The following CAMKV variants were observed in gnomAD, a reference collection of about 807,000 sequenced individuals.
The protein encoded by CAMKV is CaM kinase like vesicle associated.
A neutral mutation model predicts 50.2 loss-of-function variants in CAMKV; 5 were observed. The ratio of observed to expected loss-of-function variants is 0.10; its 90% CI spans 0.05 to 0.21. CAMKV has a LOEUF of 0.21. CAMKV is among the 10% of genes least tolerant of loss of function. CAMKV has a pLI of 1.00. For missense variants in CAMKV, 361 were observed against 650.5 expected, an observed-to-expected ratio of 0.55 and a Z score of 4.84; for synonymous variants, 229 against 250.1, an observed-to-expected ratio of 0.92 and a Z score of 0.80.
At chr3:49,863,635 T>A (rs1034552576) in intron 1 of CAMKV, 1 of 151,876 alleles carries the variant, frequency 6.6e-6, no homozygotes, top group African/African-American at 2.4e-5. Context: ...GCAGCTGGGA[T>A]TACAGGCACC....
Position 49,862,107 on chromosome 3 carries a change from G to A in CAMKV, c.165C>T (p.Phe55=). ...GCACCTTGCGGCCGTCCCGCTTCTGGAACTTCTTGCAGGTGTGCAGCTTGC... is the reference window on the plus strand; with the variant it reads ...GCACCTTGCGGCCGTCCCGCTTCTGAAACTTCTTGCAGGTGTGCAGCTTGC... ...TTGKLHTCKK[F]QKRDGRKVRK... The change falls in exon 3 of 11, where the codon TTC becomes TTT. Residue 55 remains phenylalanine (F), a synonymous_variant. Coordinates refer to ENST00000477224, the MANE Select transcript of CAMKV (RefSeq NM_024046.5). This position sits in a 1 kb window ranked among gnomAD's most constrained non-coding sequence, Gnocchi z 5.2. 6.2e-7 allele frequency: 1 copy of A among 1,614,208 alleles called. No individual in the cohort carries two copies. The highest frequency in any genetic ancestry group is 1.3e-5 in the African/African-American group (1 of 75,062).
At position 49,858,206 on chromosome 3, in the gene CAMKV, T is replaced by A. The variant is rs2081992465; in HGVS notation, c.*1112A>T. On this transcript the variant is annotated 3_prime_UTR_variant, in exon 11 of 11. Transcript: ENST00000477224. ...GAGCCTCCCTCAGGAAACTGGGGAG[T>A]TTAACCCTACTTCCTCATCCCAGAA... The A allele has an allele frequency of 5.0e-6, 2 of 398,052 alleles. No homozygotes were observed. Among genetic ancestry groups the A allele is most frequent in the Non-Finnish European group, 8.9e-6 (2 of 225,952 alleles). The allele number at this position is 398,052 out of a possible 1,614,324, so 24.7% of individuals were successfully genotyped here. A position where few individuals can be genotyped will look rare whatever the true frequency, so the allele number is the denominator to read the frequency against.
rs56307047 is a variant in CAMKV at position 49,859,409 on chromosome 3, G to A, written c.1415C>T (p.Pro472Leu). The A allele has an allele frequency of 8.1e-6, 13 of 1,608,160 alleles. No individual in the cohort carries two copies. The East Asian group carries it at 2.9e-4, about 36-fold the overall frequency. ...PAMAQPDSTA[P>L]EGATGQAPPS... ...TGGAGCCTGGCCTGTGGCGCCCTCT[G>A]GGGCTGTGCTGTCCGGCTGGGCCAT... The change falls in exon 11 of 11, where the codon CCA (proline) becomes CTA (leucine). Residue 472 changes from proline to leucine, a missense_variant. Around this residue, in one of 4 missense-constraint regions of CAMKV, gnomAD observed 75 missense variants for 84.2 expected, o/e 0.89. Coordinates refer to ENST00000477224, the MANE Select transcript of CAMKV (RefSeq NM_024046.5). This position sits in a 1 kb window ranked among gnomAD's most constrained non-coding sequence, Gnocchi z 5.5.
rs1291585177 is a variant in CAMKV at position 49,858,368 on chromosome 3, T to A, written c.*950A>T. The stretch of plus-strand genomic sequence containing the variant: ...TAAAGGGCAAACCTCCAAATCAGAT[T>A]ATGAGTTATTGCCATGCAGCAAGCC... On this transcript the variant is annotated 3_prime_UTR_variant, in exon 11 of 11. Transcript: ENST00000477224. 5.0e-6 allele frequency: 2 copies of A among 398,434 alleles called. No individual in the cohort carries two copies. Among genetic ancestry groups the A allele is most frequent in the Admixed American group, 4.4e-5 (1 of 22,704 alleles). 24.7% of individuals were successfully genotyped at this position (398,434 alleles called of 1,614,324 possible). A position where few individuals can be genotyped will look rare whatever the true frequency, so the allele number is the denominator to read the frequency against.
Position 49,859,582 on chromosome 3 carries a change from A to G in CAMKV, c.1242T>C (p.Thr414=), listed in dbSNP as rs1231930870. The G allele has an allele frequency of 6.2e-7, 1 of 1,613,874 alleles. No homozygotes were observed. Among genetic ancestry groups the G allele is most frequent in the East Asian group, 2.2e-5 (1 of 44,900 alleles). Reference sequence around the variant, plus strand: ...CAGTGGCTGGGGTGACACTCCCATCAGTGGCTGGAGTGATGCTTCCATCGG... The same window carrying G: ...CAGTGGCTGGGGTGACACTCCCATCGGTGGCTGGAGTGATGCTTCCATCGG... The part of the protein sequence containing the change: ...PATDGSITPA[T]DGSVTPATDR... Residue 414 remains threonine (T), a synonymous_variant, in exon 11 of 11, where the codon ACT becomes ACC. Transcript: ENST00000477224. This position sits in a 1 kb window ranked among gnomAD's most constrained non-coding sequence, Gnocchi z 5.5.
At position 49,859,472 on chromosome 3, in the gene CAMKV, A is replaced by T; in HGVS notation, c.1352T>A (p.Met451Lys). Reference sequence around the variant, plus strand: ...GGTGGCAGCTGCCTTGGTGGCCAGCATGGCACTGCTTTGGGTGGTGGGCAC... The same window carrying T: ...GGTGGCAGCTGCCTTGGTGGCCAGCTTGGCACTGCTTTGGGTGGTGGGCAC... ...STVPTTQSSA[M>K]LATKAAATPE... The change falls in exon 11 of 11, where the codon ATG becomes AAG. Residue 451 changes from methionine to lysine, a missense_variant. Coordinates refer to ENST00000477224, the MANE Select transcript of CAMKV (RefSeq NM_024046.5). The surrounding 1 kb of genome is among the most constrained non-coding windows in gnomAD (Gnocchi z 5.5). 6.2e-7 allele frequency: 1 copy of T among 1,614,100 alleles called. No homozygotes were observed. The highest frequency in any genetic ancestry group is 8.5e-7 in the Non-Finnish European group (1 of 1,179,982).
At position 49,862,722 on chromosome 3, in the gene CAMKV, C is replaced by T. The variant is rs2082032519; in HGVS notation, c.-14-320G>A. On this transcript the variant is annotated intron_variant, in intron 1 of 10. Transcript: ENST00000477224. The surrounding 1 kb of genome is among the most constrained non-coding windows in gnomAD (Gnocchi z 5.2). Reference sequence around the variant, plus strand: ...GTTTATTTAAATTTCAGCTATTTTACAGATGAAGGGGGCTATAACCACCCA... The same window carrying T: ...GTTTATTTAAATTTCAGCTATTTTATAGATGAAGGGGGCTATAACCACCCA... Among the ~76,000 whole-genome samples the T allele has an allele frequency of 6.6e-6, 1 of 152,238 alleles. No homozygotes were observed. The highest frequency in any genetic ancestry group is 2.4e-5 in the African/African-American group (1 of 41,464).
chr3:49,866,449 T>G (rs2082066175), intron 1 of CAMKV, among the ~76,000 whole-genome samples: 1 of 152,200 alleles, frequency 6.6e-6, no homozygotes, highest in Admixed American at 6.5e-5. Context: ...ACACAGGATC[T>G]GAGCTCTTCC....
chr3:49,862,266 A>T lies in CAMKV; in HGVS notation c.95+28T>A, dbSNP rs1407340203. Reference sequence around the variant, plus strand: ...CTAGCCCCTGCTCACCAGCCCACCCAGCCTTGCCTGACAGGCCCGGCACTC... The same window carrying T: ...CTAGCCCCTGCTCACCAGCCCACCCTGCCTTGCCTGACAGGCCCGGCACTC... On this transcript the variant is annotated intron_variant, in intron 2 of 10. Coordinates refer to ENST00000477224, the MANE Select transcript of CAMKV (RefSeq NM_024046.5). The surrounding 1 kb of genome is among the most constrained non-coding windows in gnomAD (Gnocchi z 5.2). 1 of 1,614,070 alleles carries T rather than the reference A, an allele frequency of 6.2e-7. No individual in the cohort carries two copies. Among genetic ancestry groups the T allele is most frequent in the South Asian group, 1.1e-5 (1 of 91,082 alleles).
At chr3:49,865,448 A>G (rs555655466) in intron 1 of CAMKV, among the ~76,000 whole-genome samples, 10 of 152,318 alleles carry the variant, frequency 6.6e-5, no homozygotes, top group Admixed American at 4.6e-4. Flanking sequence ...CCCTCTGGCA[A>G]GAGTGCCCTT....
Position 49,858,609 on chromosome 3 carries a change from C to A in CAMKV, c.*709G>T, listed in dbSNP as rs566613288. 1.6e-5 allele frequency: 6 copies of A among 368,750 alleles called. No homozygotes were observed. The highest frequency in any genetic ancestry group is 4.2e-5 in the African/African-American group (2 of 48,098). The allele number at this position is 368,750 out of a possible 1,614,324, so 22.8% of individuals were successfully genotyped here. On this transcript the variant is annotated 3_prime_UTR_variant, in exon 11 of 11. Coordinates refer to ENST00000477224, the MANE Select transcript of CAMKV (RefSeq NM_024046.5). Reference sequence around the variant, plus strand: ...GGCTCATGAGGTTCAGGGTACAGGGCAGCCCACTGCAGGACTCGGAAAGGC... The same window carrying A: ...GGCTCATGAGGTTCAGGGTACAGGGAAGCCCACTGCAGGACTCGGAAAGGC...
Position 49,862,614 on chromosome 3 carries a change from C to T in CAMKV, c.-14-212G>A, listed in dbSNP as rs1253767943. Among the ~76,000 whole-genome samples, 1 of 152,094 alleles carries T rather than the reference C, an allele frequency of 6.6e-6. No individual in the cohort carries two copies. The highest frequency in any genetic ancestry group is 2.4e-5 in the African/African-American group (1 of 41,382). ...GCTTGGCTGCCTGAAGTGCAACAGC[C>T]TACATATGAAAAAATGTATTAAGCT... On this transcript the variant is annotated intron_variant, in intron 1 of 10. Coordinates refer to ENST00000477224, the MANE Select transcript of CAMKV (RefSeq NM_024046.5). The surrounding 1 kb of genome is among the most constrained non-coding windows in gnomAD (Gnocchi z 5.2).
chr3:49,866,843 C>T (rs2082069038), intron 1 of CAMKV, among the ~76,000 whole-genome samples: 1 of 152,236 alleles, frequency 6.6e-6, no homozygotes, highest in Admixed American at 6.5e-5. Context: ...TCCGGAGGCC[C>T]CACATTGGGG....
In CAMKV at chr3:49,860,986, G is replaced by A. The variant is rs774782174; in HGVS notation, c.595C>T (p.Arg199Cys). ...CCAATGGCCCAGCAGTCCACAGGGCGTCCATACCGCTGCCGGCCTACCACC... is the reference window on the plus strand; with the variant it reads ...CCAATGGCCCAGCAGTCCACAGGGCATCCATACCGCTGCCGGCCTACCACC... ...PEVVGRQRYG[R>C]PVDCWAIGVI... The change falls in exon 7 of 11, where the codon CGC (arginine) becomes TGC (cysteine). Residue 199 changes from arginine (R) to cysteine (C), a missense_variant. Transcript: ENST00000477224. The surrounding 1 kb of genome is among the most constrained non-coding windows in gnomAD (Gnocchi z 6.1). 7 of 1,613,944 alleles carry A rather than the reference G, an allele frequency of 4.3e-6. No homozygotes were observed. The highest frequency in any genetic ancestry group is 2.2e-5 in the East Asian group (1 of 44,882).
At chr3:49,866,174 AG>A (rs1559458182) in intron 1 of CAMKV, among the ~76,000 whole-genome samples, 2 of 152,070 alleles carry the variant, frequency 1.3e-5, no homozygotes, top group Admixed American at 6.6e-5. Flanking sequence ...GGGCAAAGAG[AG>A]GAGAAAGAGG....
In CAMKV at chr3:49,862,018, C is replaced by T. The variant is rs371512987; in HGVS notation, c.227+27G>A. ...AGCCCTTCCCTGCTGCCTCCCACCC[C>T]GCCCCAATCCCAGGCCTCAAACTCA... On this transcript the variant is annotated intron_variant, in intron 3 of 10. Transcript: ENST00000477224. This position sits in a 1 kb window ranked among gnomAD's most constrained non-coding sequence, Gnocchi z 5.2. The T allele has an allele frequency of 3.0e-5, 48 of 1,613,952 alleles. No homozygotes were observed. The South Asian group carries it at 4.5e-4, about 15-fold the overall frequency.
chr3:49,859,780 G>C lies in CAMKV; in HGVS notation c.1044C>G (p.Pro348=), dbSNP rs371059995. Residue 348 remains proline (P), a synonymous_variant, in exon 11 of 11, where the codon CCC becomes CCG. Coordinates refer to ENST00000477224, the MANE Select transcript of CAMKV (RefSeq NM_024046.5). This position sits in a 1 kb window ranked among gnomAD's most constrained non-coding sequence, Gnocchi z 5.5. ...CAGCTGTGGCCCCACCTGCAGCCCC[G>C]GGGGTGGCAGTGTCTGTGGCTGAGG... ...QSASATDTAT[P]GAAGGATAAA... 2 of 1,556,264 alleles carry C rather than the reference G, an allele frequency of 1.3e-6. No homozygotes were observed. The highest frequency in any genetic ancestry group is 2.7e-5 in the African/African-American group (2 of 74,440).
In CAMKV at chr3:49,861,974, T is replaced by G. The variant is rs1203496316; in HGVS notation, c.227+71A>C. 1.7e-5 allele frequency: 27 copies of G among 1,609,780 alleles called. No individual in the cohort carries two copies. The highest frequency in any genetic ancestry group is 2.3e-5 in the Non-Finnish European group (27 of 1,177,766). ...TAATTGGCCAGAGGCTGGGACTGCC[T>G]GAGGCCACTTGCCCTCTAAGCCCTT... On this transcript the variant is annotated intron_variant, in intron 3 of 10. Transcript: ENST00000477224. The surrounding 1 kb of genome is among the most constrained non-coding windows in gnomAD (Gnocchi z 7.7).
At position 49,859,279 on chromosome 3, in the gene CAMKV, T is replaced by A; in HGVS notation, c.*39A>T. 1.4e-5 allele frequency: 20 copies of A among 1,439,628 alleles called. No individual in the cohort carries two copies. The highest frequency in any genetic ancestry group is 4.3e-5 in the African/African-American group (3 of 70,322). 89.2% of individuals were successfully genotyped at this position (1,439,628 alleles called of 1,614,324 possible). On this transcript the variant is annotated 3_prime_UTR_variant, in exon 11 of 11. Transcript: ENST00000477224. This position sits in a 1 kb window ranked among gnomAD's most constrained non-coding sequence, Gnocchi z 5.5. ...AAGCCCCTCATCCACTCTCCCACCC[T>A]CCTGCCCATCCCCTGCCCCCCCTCA...
Sources: gnomAD v4.1 joint callset for allele counts (sites outside exome capture counted in the v4.1 genomes callset) on GRCh38, gnomAD v4.1.1 for gene constraint, gnomAD v4.1.1 regional missense constraint, Gnocchi (gnomAD v3.1) non-coding constraint, MANE v1.5 for transcripts, NCBI Gene and HGNC (gene_info 2026-07-23, HGNC 2026-07-21) for gene names.